RETREG3: variants seen among roughly 807,000 people sequenced by gnomAD.
RETREG3 encodes the protein reticulophagy regulator 3.
In RETREG3, 23 loss-of-function variants were observed where a neutral mutation model predicts 50.2. That is an observed-to-expected ratio of 0.46 (90% confidence interval 0.33 to 0.65). The LOEUF is 0.65. RETREG3 is among the 30% of genes least tolerant of loss of function. The probability of loss-of-function intolerance (pLI) is 0.02; values close to 1 mark genes in which losing one functional copy is unlikely to be tolerated. For synonymous variants in RETREG3, 240 were observed against 234.4 expected, an observed-to-expected ratio of 1.02 and a Z score of -0.22; for missense variants, 546 against 598.0, an observed-to-expected ratio of 0.91 and a Z score of 0.91.
rs779539001 is a variant in RETREG3, at chr17:42,582,665, T to G, written c.943+9A>C. 1 of 1,614,048 alleles carries G rather than the reference T, an allele frequency of 6.2e-7. No homozygotes were observed. Among genetic ancestry groups the G allele is most frequent in the South Asian group, 1.1e-5 (1 of 91,066 alleles). On this transcript the variant is annotated intron_variant, in intron 8 of 8. Transcript: ENST00000309428. Reference sequence around the variant, plus strand: ...GCCATTATCAACTGAGGTCAAAGGCTCCCCTCACCTTCAGAGCCTTCCGTT... The same window carrying G: ...GCCATTATCAACTGAGGTCAAAGGCGCCCCTCACCTTCAGAGCCTTCCGTT...
At chr17:42,597,121 G>A (rs550699168) in intron 1 of RETREG3, among the ~76,000 whole-genome samples, 10 of 151,806 alleles carry the variant, frequency 6.6e-5, no homozygotes, top group Admixed American at 4.6e-4. Context: ...TGATCCGCCC[G>A]CTTCGACCTC....
intron 2 of RETREG3, among the ~76,000 whole-genome samples, chr17:42,589,697 G>A (rs2093128719): frequency 6.6e-6 from 1 of 152,140 alleles, no homozygotes; most frequent in African/African-American, 2.4e-5. Flanking sequence ...GCCTCCCAAA[G>A]TGCTGAGATC....
chr17:42,597,641 T>TGAGACAGAG, intron 1 of RETREG3, among the ~76,000 whole-genome samples: 1 of 54,596 alleles, frequency 1.8e-5, no homozygotes, highest in Non-Finnish European at 3.8e-5. Flanking sequence ...TTTTTTTTTT[T>TGAGACAGAG]TTTTTTGAGA....
At chr17:42,600,558 G>C (rs1397093843) in intron 1 of RETREG3, among the ~76,000 whole-genome samples, 1 of 151,954 alleles carries the variant, frequency 6.6e-6, no homozygotes. Flanking sequence ...TCAATAATTT[G>C]TGTCAAACAA....
chr17:42,589,106 C>A (rs1476068029), intron 2 of RETREG3, among the ~76,000 whole-genome samples: 358 of 132,482 alleles, frequency 2.7e-3, no homozygotes, highest in Middle Eastern at 8.3e-3. Context: ...TGTCTCTAAC[C>A]AAAAAAAAAA....
In RETREG3 at chr17:42,609,356, T is replaced by G. The variant is rs768399612; in HGVS notation, c.-32A>C. ...GCGGCAGCCACAACATCCGGGGCCGTGGCCCGACAAGTCACAATAACAGCA... is the reference window on the plus strand; with the variant it reads ...GCGGCAGCCACAACATCCGGGGCCGGGGCCCGACAAGTCACAATAACAGCA... On this transcript the variant is annotated 5_prime_UTR_variant, in exon 1 of 9. Transcript: ENST00000309428. The G allele has an allele frequency of 6.3e-7, 1 of 1,577,750 alleles. No homozygotes were observed. The highest frequency in any genetic ancestry group is 8.6e-7 in the Non-Finnish European group (1 of 1,167,410).
intron 1 of RETREG3, 133 bp downstream of exon 1, chr17:42,608,953 G>A (rs1245217864): frequency 2.3e-5 from 20 of 857,580 alleles, no homozygotes; most frequent in Admixed American, 2.8e-5. Context: ...GGAGTGGAAG[G>A]AGGTGAGGCA....
chr17:42,597,387 C>A (rs2093147391), intron 1 of RETREG3, among the ~76,000 whole-genome samples: 1 of 148,594 alleles, frequency 6.7e-6, no homozygotes, highest in Admixed American at 6.8e-5. Context: ...CGGGGTTGCA[C>A]CATGTTAGCC....
chr17:42,582,029 G>C lies in RETREG3; in HGVS notation c.1185C>G (p.Ser395Arg). The change falls in exon 9 of 9, where the codon AGC (serine) becomes AGG (arginine). Residue 395 changes from serine (S) to arginine (R), a missense_variant. Physicochemically the swap from Ser to Arg is moderately radical, Grantham distance 110 (BLOSUM62 -1). Coordinates refer to ENST00000309428, the MANE Select transcript of RETREG3 (RefSeq NM_178126.4). ...GALPVGSNLT[S>R]NLASLVSQGM... ...CCTGGGAGACCAGGCTGGCAAGGTTGCTGGTGAGGTTGGATCCTACAGGAA... is the reference window on the plus strand; with the variant it reads ...CCTGGGAGACCAGGCTGGCAAGGTTCCTGGTGAGGTTGGATCCTACAGGAA... 6.2e-7 allele frequency: 1 copy of C among 1,614,136 alleles called. No homozygotes were observed. Among genetic ancestry groups the C allele is most frequent in the Non-Finnish European group, 8.5e-7 (1 of 1,180,018 alleles).
intron 1 of RETREG3, among the ~76,000 whole-genome samples, chr17:42,592,413 C>T (rs2093135090): frequency 6.6e-6 from 1 of 152,188 alleles, no homozygotes; most frequent in African/African-American, 2.4e-5. Context: ...CCTCTTAAAG[C>T]TCCTTCTGCT....
At chr17:42,604,069 T>A (rs889763229) in intron 1 of RETREG3, among the ~76,000 whole-genome samples, 5 of 152,056 alleles carry the variant, frequency 3.3e-5, no homozygotes, top group Admixed American at 1.3e-4. Context: ...TTCCATTTCT[T>A]GTTTCTATTA....
At chr17:42,595,976 T>C (rs2093143549) in intron 1 of RETREG3, among the ~76,000 whole-genome samples, 1 of 151,916 alleles carries the variant, frequency 6.6e-6, no homozygotes, top group Non-Finnish European at 1.5e-5. Flanking sequence ...GCTATCACAG[T>C]CCCCAAACTG....
At chr17:42,597,209 G>C (rs1188416894) in intron 1 of RETREG3, among the ~76,000 whole-genome samples, 1 of 135,496 alleles carries the variant, frequency 7.4e-6, no homozygotes, top group African/African-American at 2.8e-5. Context: ...TTTTTTTTGA[G>C]ACGGAGTCTT....
At chr17:42,597,359 T>C (rs758875712) in intron 1 of RETREG3, among the ~76,000 whole-genome samples, 4 of 149,482 alleles carry the variant, frequency 2.7e-5, no homozygotes, top group Non-Finnish European at 4.4e-5. Flanking sequence ...CAGCTAATTT[T>C]TGTATTTTTA....
chr17:42,609,257 C>G lies in RETREG3; in HGVS notation c.68G>C (p.Arg23Pro), dbSNP rs769631213. The change falls in exon 1 of 9, where the codon CGA (arginine) becomes CCA (proline). Residue 23 changes from arginine to proline, a missense_variant. Physicochemically the swap from Arg to Pro is moderately radical, Grantham distance 103. Transcript: ENST00000309428. Reference sequence around the variant, plus strand: ...CCGCTCCCAGGAGCCTGACACATCTCGGCGGCCCCTGAAAGTCGACCCCGA... The same window carrying G: ...CCGCTCCCAGGAGCCTGACACATCTGGGCGGCCCCTGAAAGTCGACCCCGA... ...PASGSTFRGR[R>P]DVSGSWERDQ... 3.7e-6 allele frequency: 6 copies of G among 1,606,574 alleles called. No individual in the cohort carries two copies. Among genetic ancestry groups the G allele is most frequent in the Non-Finnish European group, 5.1e-6 (6 of 1,179,822 alleles).
Position 42,581,674 on chromosome 17 carries a change from T to C in RETREG3, c.*139A>G. The C allele has an allele frequency of 1.3e-6, 1 of 760,598 alleles. No homozygotes were observed. Among genetic ancestry groups the C allele is most frequent in the Admixed American group, 3.0e-5 (1 of 33,050 alleles). 47.1% of individuals were successfully genotyped at this position (760,598 alleles called of 1,614,324 possible). A position where few individuals can be genotyped will look rare whatever the true frequency, so the allele number is the denominator to read the frequency against. On this transcript the variant is annotated 3_prime_UTR_variant, in exon 9 of 9. Transcript: ENST00000309428. Reference sequence around the variant, plus strand: ...AGTGAGTGTCCTCTCTAAGGAGGCCTCTGAGCATCAGCCAGGCCACCCAGC... The same window carrying C: ...AGTGAGTGTCCTCTCTAAGGAGGCCCCTGAGCATCAGCCAGGCCACCCAGC...
At chr17:42,594,650 T>C (rs1386820159) in intron 1 of RETREG3, among the ~76,000 whole-genome samples, 1 of 151,656 alleles carries the variant, frequency 6.6e-6, no homozygotes, top group Non-Finnish European at 1.5e-5. Flanking sequence ...GAGACCATCC[T>C]GGCTAACTCG....
intron 1 of RETREG3, among the ~76,000 whole-genome samples, chr17:42,604,704 A>AG (rs1378975916): frequency 1.3e-5 from 2 of 151,652 alleles, no homozygotes; most frequent in African/African-American, 4.8e-5. Flanking sequence ...CAAAAAAAAA[A>AG]AAAAAAAAAA....
At chr17:42,587,973 A>C in intron 2 of RETREG3, 109 bp from the exon 3 acceptor site, 1 of 1,215,194 alleles carries the variant, frequency 8.2e-7, no homozygotes, top group Non-Finnish European at 1.2e-6. Flanking sequence ...GGAAAAGAAA[A>C]CAGTAATAGC....
Sources: gnomAD v4.1 joint callset for allele counts (sites outside exome capture counted in the v4.1 genomes callset) on GRCh38, gnomAD v4.1.1 for gene constraint, MANE v1.5 for transcripts, NCBI Gene and HGNC (gene_info 2026-07-23, HGNC 2026-07-21) for gene names.